GBF1: variants seen among roughly 807,000 people sequenced by gnomAD.
GBF1 encodes the protein Golgi-specific brefeldin A-resistance guanine nucleotide exchange factor 1.
Under a neutral mutation model 210.5 loss-of-function variants are expected in GBF1, and 114 were observed. The ratio of observed to expected loss-of-function variants is 0.54; its 90% CI spans 0.47 to 0.63. The LOEUF is 0.63. Ranked by LOEUF, GBF1 falls within the 30% of genes least tolerant of loss-of-function variation. The probability of loss-of-function intolerance (pLI) is 0.00; values close to 1 mark genes in which losing one functional copy is unlikely to be tolerated. For missense variants in GBF1, 1,851 were observed against 2,357.7 expected, an observed-to-expected ratio of 0.79 and a Z score of 4.45; for synonymous variants, 850 against 889.2, an observed-to-expected ratio of 0.96 and a Z score of 0.78.
intron 4 of GBF1, among the ~76,000 whole-genome samples, chr10:102,345,102 T>C (rs1182716613): frequency 3.3e-5 from 5 of 151,232 alleles, no homozygotes; most frequent in African/African-American, 1.2e-4. Flanking sequence ...GCCAACATGG[T>C]GAAACCCCGT....
intron 2 of GBF1, among the ~76,000 whole-genome samples, chr10:102,259,654 A>C (rs2072933859): frequency 6.6e-6 from 1 of 152,204 alleles, no homozygotes; most frequent in African/African-American, 2.4e-5. Context: ...AAATTTCTCA[A>C]GTTCTTTCAT....
chr10:102,254,857 G>C (rs962791733), intron 1 of GBF1, among the ~76,000 whole-genome samples: 6 of 152,008 alleles, frequency 3.9e-5, no homozygotes, highest in Non-Finnish European at 8.8e-5. Flanking sequence ...AGGCCTTTAT[G>C]ACCTTGTGAC....
At chr10:102,257,764 C>G (rs1316419935) in intron 1 of GBF1, among the ~76,000 whole-genome samples, 1 of 151,608 alleles carries the variant, frequency 6.6e-6, no homozygotes, top group Non-Finnish European at 1.5e-5. Flanking sequence ...AGACTATATA[C>G]TTAGGAGAGA....
chr10:102,352,883 T>G (rs562453933), intron 7 of GBF1, among the ~76,000 whole-genome samples: 2 of 152,280 alleles, frequency 1.3e-5, no homozygotes, highest in African/African-American at 4.8e-5. Flanking sequence ...CTAGCAATTG[T>G]GAATTGCCTG....
chr10:102,336,763 C>T (rs1203613423), intron 3 of GBF1, among the ~76,000 whole-genome samples: 1 of 152,108 alleles, frequency 6.6e-6, no homozygotes, highest in Non-Finnish European at 1.5e-5. Flanking sequence ...TTCCCTAAAT[C>T]TCAGTTACCT....
upstream of GBF1, among the ~76,000 whole-genome samples, chr10:102,241,801 G>A (rs1011613330): frequency 6.6e-6 from 1 of 152,260 alleles, no homozygotes; most frequent in African/African-American, 2.4e-5. This position sits in a 1 kb window ranked among gnomAD's most constrained non-coding sequence, Gnocchi z 6.7. Context: ...CCAAGTGGGC[G>A]AGAGTAGAGT....
At chr10:102,358,404 T>A in intron 9 of GBF1, 102 bp from the exon 10 acceptor site, 2 of 860,872 alleles carry the variant, frequency 2.3e-6, no homozygotes, top group Non-Finnish European at 3.7e-6. Context: ...TATGCAAAGA[T>A]AAGCATGTAA....
chr10:102,330,899 A>G (rs569916955), intron 3 of GBF1, among the ~76,000 whole-genome samples: 4 of 152,156 alleles, frequency 2.6e-5, no homozygotes, highest in South Asian at 4.2e-4. Flanking sequence ...GGACAAAATC[A>G]TACAATAAAC....
chr10:102,270,878 G>T (rs1192044441), intron 3 of GBF1, among the ~76,000 whole-genome samples: 1 of 152,016 alleles, frequency 6.6e-6, no homozygotes, highest in African/African-American at 2.4e-5. Context: ...ATTTATTTTA[G>T]AGATGGGGGT....
upstream of GBF1, among the ~76,000 whole-genome samples, chr10:102,241,641 A>C (rs981324061): frequency 2.6e-5 from 4 of 152,086 alleles, no homozygotes; most frequent in Non-Finnish European, 2.9e-5. The surrounding 1 kb of genome is among the most constrained non-coding windows in gnomAD (Gnocchi z 6.7). Context: ...CCAGCTGTGG[A>C]TCTCCAGGCC....
At chr10:102,280,095 G>T (rs1318312055) in intron 3 of GBF1, among the ~76,000 whole-genome samples, 1 of 151,810 alleles carries the variant, frequency 6.6e-6, no homozygotes, top group Non-Finnish European at 1.5e-5. Flanking sequence ...CTGCACTCTA[G>T]CCTGGGTGAC....
chr10:102,317,575 G>A (rs974769055), intron 3 of GBF1, among the ~76,000 whole-genome samples: 6 of 152,046 alleles, frequency 3.9e-5, no homozygotes, highest in Non-Finnish European at 8.8e-5. Flanking sequence ...CCAAAATCAC[G>A]TCATTGCACT....
intron 3 of GBF1, among the ~76,000 whole-genome samples, chr10:102,303,637 T>G (rs1272788027): frequency 6.6e-6 from 1 of 152,136 alleles, no homozygotes; most frequent in Non-Finnish European, 1.5e-5. Context: ...TGTCATATAT[T>G]CAGGCAGCTC....
Position 102,381,260 on chromosome 10 carries a change from GTC to G in GBF1, c.5302+11_5302+12del. 6.2e-7 allele frequency: 1 copy of G among 1,613,598 alleles called. No individual in the cohort carries two copies. Among genetic ancestry groups the G allele is most frequent in the African/African-American group, 1.3e-5 (1 of 75,048 alleles). On this transcript the variant is annotated splice_donor_region_variant and intron_variant, in intron 39 of 39. Transcript: ENST00000369983. ...CATCTGAGCTGGGGGCCTGTGGTGAGTCTCTCTAGCCTAGCCTGATAGGCACT... is the reference window on the plus strand; with the variant it reads ...CATCTGAGCTGGGGGCCTGTGGTGAGTCTCTAGCCTAGCCTGATAGGCACT...
chr10:102,257,642 A>G lies in GBF1; in HGVS notation c.-10-1287A>G, dbSNP rs1040074810. 4.6e-5 allele frequency among the ~76,000 whole-genome samples: 7 copies of G among 152,044 alleles called. No individual in the cohort carries two copies. In the East Asian group the frequency reaches 1.3e-3, roughly 29 times the overall value. ...ATGCAGCCTTTACGCTGACATTGCA[A>G]CTGTGGTTCTAAACCAACACTATGC... On this transcript the variant is annotated intron_variant, in intron 1 of 39. Coordinates refer to ENST00000369983, the MANE Select transcript of GBF1 (RefSeq NM_001377137.1).
rs377440055 is a variant in GBF1 at position 102,269,993 on chromosome 10, C to T, written c.163+9877C>T. 3.3e-5 allele frequency among the ~76,000 whole-genome samples: 5 copies of T among 152,000 alleles called. No homozygotes were observed. The South Asian group carries it at 8.3e-4, about 25-fold the overall frequency. Reference sequence around the variant, plus strand: ...TTCCGGGTTCACGCCATTCTCCTGCCTCAGCCTCCCAAGTAGCTGGGACTA... The same window carrying T: ...TTCCGGGTTCACGCCATTCTCCTGCTTCAGCCTCCCAAGTAGCTGGGACTA... On this transcript the variant is annotated intron_variant, in intron 3 of 39. Coordinates refer to ENST00000369983, the MANE Select transcript of GBF1 (RefSeq NM_001377137.1).
chr10:102,264,934 C>G (rs1266344641), intron 3 of GBF1, among the ~76,000 whole-genome samples: 3 of 152,310 alleles, frequency 2.0e-5, no homozygotes, highest in Non-Finnish European at 4.4e-5. Context: ...GTTTAGATTC[C>G]AAAGACACAT....
At chr10:102,355,927 G>A (rs148072410) in intron 8 of GBF1, among the ~76,000 whole-genome samples, 6 of 152,220 alleles carry the variant, frequency 3.9e-5, no homozygotes, top group Non-Finnish European at 8.8e-5. Flanking sequence ...GAGCTCCAGT[G>A]GTTCCTGGGG....
At chr10:102,239,272 G>A in the GBF1 span, among the ~76,000 whole-genome samples, 1 of 152,230 alleles carries the variant, frequency 6.6e-6, no homozygotes, top group African/African-American at 2.4e-5. Flanking sequence ...AAAAGGTTCT[G>A]TCTTTTGTTT....
Sources: allele counts gnomAD v4.1 joint callset (sites outside exome capture counted in the v4.1 genomes callset), GRCh38; gene constraint gnomAD v4.1.1; non-coding constraint Gnocchi (gnomAD v3.1); transcripts MANE v1.5; gene names NCBI Gene and HGNC (gene_info 2026-07-23, HGNC 2026-07-21).